Variants in INSL6 observed in about 807,000 individuals in gnomAD.
INSL6 encodes the protein insulin like 6.
A neutral mutation model predicts 9.4 loss-of-function variants in INSL6; 16 were observed. The observed-to-expected ratio is 1.70, with a 90% CI of 1.15 to 2.59. INSL6 has a LOEUF of 2.59. Among genes scored for constraint, INSL6 ranks in the 30% most tolerant of loss-of-function variants. INSL6 has a pLI of 0.00. For missense variants in INSL6, 391 were observed against 257.3 expected (o/e 1.52, Z -3.56); for synonymous variants, 154 against 96.9 (o/e 1.59, Z -3.46).
chr9:5,131,851 C>A (rs1382975726), intron 3 of INSL6: 1 of 152,168 alleles, frequency 6.6e-6, no homozygotes, highest in Non-Finnish European at 1.5e-5. Context: ...ATAGCACTTA[C>A]TGACTACAGT....
the INSL6 span, chr9:5,078,533 AT>A: frequency 2.1e-6 from 2 of 964,284 alleles, no homozygotes; most frequent in Non-Finnish European, 3.1e-6. Context: ...CTTGAATTCC[AT>A]TTAATTTGTA....
At chr9:5,013,108 A>G in the INSL6 span, among the ~76,000 whole-genome samples, 1 of 152,230 alleles carries the variant, frequency 6.6e-6, no homozygotes, top group Non-Finnish European at 1.5e-5. Flanking sequence ...TTATTATCTC[A>G]AAGTATGAAA....
chr9:5,170,843 A>G (rs1825165662), intron 1 of INSL6, among the ~76,000 whole-genome samples: 1 of 152,216 alleles, frequency 6.6e-6, no homozygotes, highest in African/African-American at 2.4e-5. Flanking sequence ...TTGAGGCAGT[A>G]ATAAATAGTC....
chr9:5,150,880 C>CAT (rs1554689979), intron 2 of INSL6, among the ~76,000 whole-genome samples: 11 of 147,844 alleles, frequency 7.4e-5, no homozygotes, highest in African/African-American at 2.0e-4. Context: ...CACACACACA[C>CAT]ATCATGGAAT....
At chr9:5,168,446 T>C (rs1301230327) in intron 1 of INSL6, among the ~76,000 whole-genome samples, 1 of 151,964 alleles carries the variant, frequency 6.6e-6, no homozygotes, top group Admixed American at 6.6e-5. Context: ...GTTTGAAGTT[T>C]GTAGCTGAAT....
intron 2 of INSL6, among the ~76,000 whole-genome samples, chr9:5,149,007 A>G (rs1233815078): frequency 6.6e-6 from 1 of 152,208 alleles, no homozygotes; most frequent in Non-Finnish European, 1.5e-5. Flanking sequence ...TCTCAGAGGG[A>G]GACAGGCAGC....
At chr9:5,043,044 G>A in the INSL6 span, among the ~76,000 whole-genome samples, 4 of 152,188 alleles carry the variant, frequency 2.6e-5, no homozygotes, top group Non-Finnish European at 5.9e-5. Flanking sequence ...GTGTGGAGGC[G>A]CGCGGGCTCG....
chr9:5,135,972 T>C lies in INSL6; in HGVS notation c.377-2380A>G, dbSNP rs373162302. On this transcript the variant is annotated intron_variant, in intron 2 of 3. Transcript: ENST00000649639. ...CCATCAATCCCACAGAAATACAAAC[T>C]ACCATCGGGAATACTATAAACACCT... Among the ~76,000 whole-genome samples the C allele has an allele frequency of 5.4e-4, 82 of 152,212 alleles. 1 individual carries two copies. In the South Asian group the frequency reaches 0.017, roughly 31 times the overall value.
chr9:5,170,096 T>C (rs1035875474), intron 1 of INSL6, among the ~76,000 whole-genome samples: 1 of 151,810 alleles, frequency 6.6e-6, no homozygotes, highest in Non-Finnish European at 1.5e-5. Context: ...CATCACATAA[T>C]TGGAAGTAAA....
chr9:5,098,473 TACTC>T, the INSL6 span: 1 of 152,138 alleles, frequency 6.6e-6, no homozygotes, highest in Non-Finnish European at 1.5e-5. Flanking sequence ...ATTTCCGTAA[TACTC>T]ACAACAAAAT....
At chr9:5,092,960 T>C in the INSL6 span, among the ~76,000 whole-genome samples, 1 of 152,124 alleles carries the variant, frequency 6.6e-6, no homozygotes, top group Non-Finnish European at 1.5e-5. Context: ...ATCGCCATAG[T>C]TGGCCCAAAA....
chr9:5,056,863 GAAGTT>G, the INSL6 span, among the ~76,000 whole-genome samples: 1 of 152,156 alleles, frequency 6.6e-6, no homozygotes, highest in Non-Finnish European at 1.5e-5. Flanking sequence ...GCAATACAGA[GAAGTT>G]AAGTAACTTT....
intron 3 of INSL6, among the ~76,000 whole-genome samples, chr9:5,130,421 T>C (rs1388789781): frequency 1.3e-5 from 2 of 152,066 alleles, no homozygotes; most frequent in Non-Finnish European, 1.5e-5. Flanking sequence ...TATGGAAAAA[T>C]GGTAGAGCAG....
the INSL6 span, chr9:5,041,907 G>C: frequency 2.0e-5 from 8 of 402,314 alleles, no homozygotes; most frequent in Non-Finnish European, 3.8e-5. Flanking sequence ...CAGAGATGGA[G>C]GTGGGCGATG....
the INSL6 span, among the ~76,000 whole-genome samples, chr9:5,089,446 G>A: frequency 6.7e-6 from 1 of 150,100 alleles, no homozygotes; most frequent in Non-Finnish European, 1.5e-5. Flanking sequence ...GCTGAGGCAG[G>A]AGAATGGTGT....
At chr9:5,113,005 G>A in the INSL6 span, among the ~76,000 whole-genome samples, 1 of 152,048 alleles carries the variant, frequency 6.6e-6, no homozygotes, top group Non-Finnish European at 1.5e-5. Context: ...AGAGTGATGG[G>A]GGCAAGGAAG....
chr9:5,176,566 G>C (rs1038421463), intron 1 of INSL6, among the ~76,000 whole-genome samples: 1 of 151,754 alleles, frequency 6.6e-6, no homozygotes, highest in Non-Finnish European at 1.5e-5. Context: ...CCTTAATAAA[G>C]TTCAGCCCTA....
At chr9:5,042,124 CTTTTTTTTTTTT>C in the INSL6 span, among the ~76,000 whole-genome samples, 5,464 of 107,710 alleles carry the variant, frequency 0.051, 173 homozygotes, top group Middle Eastern at 0.091. Context: ...GCCAAAATTT[CTTTTTTTTTTTT>C]TTTTTTTTTT....
In INSL6 at chr9:5,171,779, G is replaced by A. The variant is rs574212735; in HGVS notation, c.290-7514C>T. ...GAATATACCTATGAATACAGTTAGC[G>A]AGGAACATGAAGGACCTCTTCAAGG... On this transcript the variant is annotated intron_variant, in intron 1 of 1. Transcript: ENST00000381641. 4.6e-5 allele frequency among the ~76,000 whole-genome samples: 7 copies of A among 152,158 alleles called. No individual in the cohort carries two copies. The East Asian group carries it at 9.7e-4, about 21-fold the overall frequency.
Sources: gnomAD v4.1 joint callset for allele counts (sites outside exome capture counted in the v4.1 genomes callset) on GRCh38, gnomAD v4.1.1 for gene constraint, MANE v1.5 for transcripts, NCBI Gene and HGNC (gene_info 2026-07-23, HGNC 2026-07-21) for gene names.